The following LIG1 variants were observed in gnomAD, a reference collection of about 807,000 sequenced individuals.
The protein encoded by LIG1 is ligase I, DNA, ATP-dependent.
LIG1 carries 70 observed loss-of-function variants against 115.7 expected under a neutral mutation model. The ratio of observed to expected loss-of-function variants is 0.60; its 90% CI spans 0.50 to 0.74. LIG1 has a LOEUF of 0.74. LIG1 is among the 30% of genes least tolerant of loss of function. LIG1 has a pLI of 0.00. For synonymous variants in LIG1, 487 were observed against 495.3 expected (o/e 0.98, Z 0.22); for missense variants, 1,115 against 1,225.6 (o/e 0.91, Z 1.35).
At chr19:48,163,944 C>CAA (rs36027045) in intron 2 of LIG1, among the ~76,000 whole-genome samples, 11 of 83,132 alleles carry the variant, frequency 1.3e-4, no homozygotes, top group Admixed American at 2.7e-4. Context: ...GACTCTGTCT[C>CAA]AAAAAAAAAA....
Position 48,137,288 on chromosome 19 carries a change from C to T in LIG1, c.1255-204G>A, listed in dbSNP as rs1490915507. ...CTCCTTGCCTCCCTCTCCCTTTATC[C>T]AGGAAGTATTTACTGAGTCCTGTCA... On this transcript the variant is annotated intron_variant, in intron 13 of 27. Transcript: ENST00000263274. This position sits in a 1 kb window ranked among gnomAD's most constrained non-coding sequence, Gnocchi z 4.3. Among the ~76,000 whole-genome samples, 3 of 152,184 alleles carry T rather than the reference C, an allele frequency of 2.0e-5. No homozygotes were observed. Among genetic ancestry groups the T allele is most frequent in the Non-Finnish European group, 4.4e-5 (3 of 68,028 alleles).
At chr19:48,170,210 C>T (rs1324492966) in intron 1 of LIG1, 31 bp downstream of exon 1, 2 of 455,218 alleles carry the variant, frequency 4.4e-6, no homozygotes, top group South Asian at 3.1e-5. Context: ...CGCCCTCCGC[C>T]TCCCATCTGC....
intron 9 of LIG1, 33 bp downstream of exon 9, chr19:48,149,730 G>T: frequency 6.3e-7 from 1 of 1,578,122 alleles, no homozygotes; most frequent in Non-Finnish European, 8.7e-7. Context: ...AACACATCCC[G>T]AAGAACCTTT....
intron 1 of LIG1, among the ~76,000 whole-genome samples, chr19:48,166,959 CAAAA>C (rs59675364): frequency 1.9e-5 from 2 of 106,412 alleles, no homozygotes; most frequent in African/African-American, 7.4e-5. Flanking sequence ...CACTCTGTCT[CAAAA>C]AAAAAAAAAA....
intron 12 of LIG1, among the ~76,000 whole-genome samples, chr19:48,139,373 G>A (rs1055549713): frequency 3.4e-4 from 51 of 152,174 alleles, no homozygotes; most frequent in African/African-American, 1.2e-3. Flanking sequence ...TCCACTGTCT[G>A]CCAGATCTCT....
chr19:48,121,656 C>T (rs2033286294), intron 23 of LIG1, among the ~76,000 whole-genome samples: 1 of 152,104 alleles, frequency 6.6e-6, no homozygotes, highest in African/African-American at 2.4e-5. Flanking sequence ...ACAAAATTAG[C>T]CGGGCGTGGT....
chr19:48,127,864 T>A (rs763572536), intron 20 of LIG1, 46 bp downstream of exon 20: 2 of 1,485,436 alleles, frequency 1.3e-6, no homozygotes, highest in Non-Finnish European at 1.9e-6. Flanking sequence ...GGGTGGAAGA[T>A]GAGGAAGTAC....
In LIG1 at chr19:48,150,200, G is replaced by A. The variant is rs2035379733; in HGVS notation, c.585C>T (p.Thr195=). ...CAGGCTCTGAAACGCTTTCCGTCGG[G>A]GTCTCTGCTTCTGCGGTGAGAGAGC... ...PKPLKTSKAE[T]PTESVSEPEV... Residue 195 remains threonine (T), a synonymous_variant, in exon 8 of 28, where the codon ACC becomes ACT. Transcript: ENST00000263274. 1 of 1,614,072 alleles carries A rather than the reference G, an allele frequency of 6.2e-7. No homozygotes were observed. The highest frequency in any genetic ancestry group is 1.3e-5 in the African/African-American group (1 of 75,014).
intron 4 of LIG1, 44 bp from the exon 5 acceptor site, chr19:48,157,184 G>A (rs2035905305): frequency 2.5e-6 from 4 of 1,573,456 alleles, no homozygotes; most frequent in South Asian, 1.2e-5. Flanking sequence ...GGGGAAGGAG[G>A]GACTCCATTT....
intron 17 of LIG1, 135 bp downstream of exon 17, chr19:48,133,846 G>T: frequency 1.4e-6 from 1 of 734,862 alleles, no homozygotes; most frequent in South Asian, 1.5e-5. Flanking sequence ...TTCAGCACCA[G>T]GGAGGAGCAT....
Position 48,149,748 on chromosome 19 carries a change from T to G in LIG1, c.776+15A>C. The stretch of plus-strand genomic sequence containing the variant: ...ACATCCCGAAGAACCTTTCCAGACC[T>G]GGACACTGACTCACCCCTCAGCAGC... On this transcript the variant is annotated intron_variant, in intron 9 of 27. Transcript: ENST00000263274. The G allele has an allele frequency of 6.2e-7, 1 of 1,608,982 alleles. No homozygotes were observed.
rs1325628413 is a variant in LIG1 at position 48,140,117 on chromosome 19, T to C, written c.941A>G (p.Asn314Ser). 6.2e-7 allele frequency: 1 copy of C among 1,613,620 alleles called. No homozygotes were observed. Among genetic ancestry groups the C allele is most frequent in the Non-Finnish European group, 8.5e-7 (1 of 1,179,992 alleles). ...CAGGGCCACCACGGAGCGCAGCAAG[T>C]TGCTCAGCGTCTCCACCATCCGGAG... ...ARLRMVETLS[N>S]LLRSVVALSP... The change falls in exon 12 of 28, where the codon AAC becomes AGC. Residue 314 changes from asparagine (N) to serine (S), a missense_variant. Physicochemically the swap from Asn to Ser is conservative, Grantham distance 46. Transcript: ENST00000263274.
intron 5 of LIG1, 142 bp downstream of exon 5, chr19:48,156,872 C>T (rs972923590): frequency 3.7e-5 from 23 of 629,904 alleles, no homozygotes; most frequent in African/African-American, 2.1e-4. Flanking sequence ...ACCCGGGAGG[C>T]GGAGGTCAGT....
intron 11 of LIG1, among the ~76,000 whole-genome samples, chr19:48,141,019 G>A (rs961055426): frequency 1.3e-5 from 2 of 152,226 alleles, no homozygotes; most frequent in East Asian, 1.9e-4. Flanking sequence ...CCCACCGGAC[G>A]GTTACAGTGG....
chr19:48,154,156 G>A (rs2035686720), intron 5 of LIG1, 189 bp from the exon 6 acceptor site: 2 of 634,440 alleles, frequency 3.2e-6, no homozygotes, highest in South Asian at 3.3e-5. Flanking sequence ...GTGTGACCTT[G>A]GGCAGGTTAC....
chr19:48,157,702 G>A lies in LIG1; in HGVS notation c.244-562C>T, dbSNP rs561009916. Among the ~76,000 whole-genome samples the A allele has an allele frequency of 2.9e-4, 44 of 152,054 alleles. No individual in the cohort carries two copies. In the South Asian group the frequency reaches 5.2e-3, roughly 18 times the overall value. On this transcript the variant is annotated intron_variant, in intron 4 of 27. Coordinates refer to ENST00000263274, the MANE Select transcript of LIG1 (RefSeq NM_000234.3). ...TGGGATAACAGGCGCCCGCCACCAC[G>A]CCCAGCTAATTTTTGTATTTTTTTT... is the stretch of plus-strand genomic sequence containing the variant.
At chr19:48,125,330 C>T (rs944879964) in intron 21 of LIG1, among the ~76,000 whole-genome samples, 1 of 152,130 alleles carries the variant, frequency 6.6e-6, no homozygotes, top group African/African-American at 2.4e-5. Flanking sequence ...CTTTCCTCTC[C>T]CCAGACATCA....
At chr19:48,132,843 A>C in intron 18 of LIG1, 139 bp downstream of exon 18, 1 of 645,720 alleles carries the variant, frequency 1.5e-6, no homozygotes, top group Non-Finnish European at 2.9e-6. Context: ...ATGGAGGTGG[A>C]TGCTGAAGCC....
rs41542416 is a variant in LIG1, at chr19:48,140,104, G to A, written c.954C>T (p.Ser318=). ...MVETLSNLLR[S]VVALSPPDLL... ...GGTCTGGAGGCGACAGGGCCACCACGGAGCGCAGCAAGTTGCTCAGCGTCT... is the reference window on the plus strand; with the variant it reads ...GGTCTGGAGGCGACAGGGCCACCACAGAGCGCAGCAAGTTGCTCAGCGTCT... Residue 318 remains serine (S), a synonymous_variant, in exon 12 of 28, where the codon TCC becomes TCT. Coordinates refer to ENST00000263274, the MANE Select transcript of LIG1 (RefSeq NM_000234.3). The A allele has an allele frequency of 1.7e-3, 2,766 of 1,613,826 alleles. 11 individuals carry two copies. Among genetic ancestry groups the A allele is most frequent in the African/African-American group, 9.2e-3 (687 of 75,038 alleles).
Sources: gnomAD v4.1 joint callset for allele counts (sites outside exome capture counted in the v4.1 genomes callset) on GRCh38, gnomAD v4.1.1 for gene constraint, Gnocchi (gnomAD v3.1) non-coding constraint, MANE v1.5 for transcripts, NCBI Gene and HGNC (gene_info 2026-07-23, HGNC 2026-07-21) for gene names.